The following CNTNAP2 variants were observed in gnomAD, a reference collection of about 807,000 sequenced individuals.
CNTNAP2 encodes the protein contactin associated protein 2.
CNTNAP2 carries 98 observed loss-of-function variants against 155.2 expected under a neutral mutation model. The ratio of observed to expected loss-of-function variants is 0.63; its 90% CI spans 0.54 to 0.75. The LOEUF (loss-of-function observed/expected upper bound fraction) is 0.75, where lower values mean the gene tolerates loss of function less well. Among genes scored for constraint, CNTNAP2 ranks in the 30% least tolerant of loss-of-function variants. The probability of loss-of-function intolerance (pLI) is 0.00; values close to 1 mark genes in which losing one functional copy is unlikely to be tolerated. For missense variants in CNTNAP2, 1,727 were observed against 1,688.1 expected, an observed-to-expected ratio of 1.02 and a Z score of -0.40; for synonymous variants, 651 against 631.2, an observed-to-expected ratio of 1.03 and a Z score of -0.47.
At chr7:147,151,583 G>A (rs890893025) in intron 8 of CNTNAP2, among the ~76,000 whole-genome samples, 4 of 151,910 alleles carry the variant, frequency 2.6e-5, no homozygotes, top group Non-Finnish European at 5.9e-5. Flanking sequence ...ATGGCCTTAA[G>A]TTTAGTGTTT....
chr7:146,926,330 C>T (rs1051122633), intron 3 of CNTNAP2, among the ~76,000 whole-genome samples: 1 of 152,068 alleles, frequency 6.6e-6, no homozygotes, highest in Non-Finnish European at 1.5e-5. Flanking sequence ...TCTCCTCTAA[C>T]AGTACTCTTC....
chr7:148,098,685 A>T (rs941831488), intron 15 of CNTNAP2, among the ~76,000 whole-genome samples: 3 of 152,202 alleles, frequency 2.0e-5, no homozygotes, highest in East Asian at 1.9e-4. Context: ...AAAATTTTTT[A>T]AATTTTCATT....
At chr7:147,139,376 G>A (rs1486290747) in intron 8 of CNTNAP2, among the ~76,000 whole-genome samples, 3 of 152,022 alleles carry the variant, frequency 2.0e-5, no homozygotes, top group Admixed American at 6.6e-5. Context: ...TTGCAATTGC[G>A]TGTCTAATTT....
intron 1 of CNTNAP2, among the ~76,000 whole-genome samples, chr7:146,728,610 G>GC (rs1801472729): frequency 8.6e-6 from 1 of 115,918 alleles, no homozygotes; most frequent in Admixed American, 8.0e-5. Context: ...TTTTTAGGCT[G>GC]CAAAAAAAAA....
At chr7:147,381,785 T>A (rs1181596816) in intron 9 of CNTNAP2, among the ~76,000 whole-genome samples, 1 of 152,098 alleles carries the variant, frequency 6.6e-6, no homozygotes, top group African/African-American at 2.4e-5. Flanking sequence ...AAAATATCAC[T>A]ATCTTTTAAT....
chr7:147,960,863 C>A (rs1394604145), intron 14 of CNTNAP2, among the ~76,000 whole-genome samples: 2 of 151,836 alleles, frequency 1.3e-5, no homozygotes, highest in Non-Finnish European at 2.9e-5. Flanking sequence ...TTTCTTTATG[C>A]CCTAGAAATA....
chr7:148,211,280 A>C (rs1483256528), intron 18 of CNTNAP2, among the ~76,000 whole-genome samples: 2 of 152,232 alleles, frequency 1.3e-5, no homozygotes, highest in African/African-American at 4.8e-5. Flanking sequence ...GAGCTTCAAG[A>C]ATCCAGGATA....
chr7:147,672,675 A>G (rs946809392), intron 13 of CNTNAP2: 4 of 152,194 alleles, frequency 2.6e-5, no homozygotes, highest in Admixed American at 1.3e-4. Flanking sequence ...GATGCTCTTC[A>G]GACTTCAAAA....
At chr7:146,533,310 A>G (rs1797798767) in intron 1 of CNTNAP2, among the ~76,000 whole-genome samples, 1 of 152,110 alleles carries the variant, frequency 6.6e-6, no homozygotes, top group African/African-American at 2.4e-5. Context: ...AAATCTACCT[A>G]TAGGCTAATG....
intron 1 of CNTNAP2, among the ~76,000 whole-genome samples, chr7:146,739,467 C>T (rs1801673832): frequency 6.6e-6 from 1 of 151,802 alleles, no homozygotes. Flanking sequence ...TCTGAAGTTT[C>T]CCCTGTTCAA....
intron 10 of CNTNAP2, among the ~76,000 whole-genome samples, chr7:147,417,406 A>C (rs930581134): frequency 6.6e-6 from 1 of 152,114 alleles, no homozygotes; most frequent in Non-Finnish European, 1.5e-5. Context: ...CAGGCAAAGG[A>C]GCTCTCTGGA....
intron 14 of CNTNAP2, among the ~76,000 whole-genome samples, chr7:147,932,634 A>G (rs1277367681): frequency 7.9e-5 from 12 of 152,224 alleles, no homozygotes; most frequent in Non-Finnish European, 1.5e-5. Context: ...GAAAATCTTC[A>G]TGACATTGGT....
chr7:147,221,569 G>T (rs889861270), intron 8 of CNTNAP2, among the ~76,000 whole-genome samples: 1 of 152,170 alleles, frequency 6.6e-6, no homozygotes, highest in East Asian at 1.9e-4. Flanking sequence ...GACCCGAGAA[G>T]GTGAAGCCCT....
intron 19 of CNTNAP2, among the ~76,000 whole-genome samples, chr7:148,225,448 G>A (rs1795827598): frequency 6.6e-6 from 1 of 152,176 alleles, no homozygotes; most frequent in Admixed American, 6.5e-5. Context: ...GTAGGAACAG[G>A]AAGCCAATGT....
chr7:147,359,115 A>G (rs1796108067), intron 9 of CNTNAP2, among the ~76,000 whole-genome samples: 2 of 152,150 alleles, frequency 1.3e-5, no homozygotes, highest in African/African-American at 4.8e-5. Context: ...TCTGCATCTC[A>G]TAGTGATGTC....
rs1039095863 is a variant in CNTNAP2, at chr7:148,243,798, A to T, written c.3381+14019A>T. Among the ~76,000 whole-genome samples, 3 of 152,166 alleles carry T rather than the reference A, an allele frequency of 2.0e-5. No homozygotes were observed. In the East Asian group the frequency reaches 5.8e-4, roughly 29 times the overall value. On this transcript the variant is annotated intron_variant, in intron 20 of 23. Coordinates refer to ENST00000361727, the MANE Select transcript of CNTNAP2 (RefSeq NM_014141.6). ...GTAATGTCAACTAAAGACAAAAAAA[A>T]AAGAAAAAAGAAAAAAAAAACTTTT...
chr7:147,775,314 T>A (rs1797557190), intron 13 of CNTNAP2, among the ~76,000 whole-genome samples: 1 of 44,316 alleles, frequency 2.3e-5, no homozygotes, highest in South Asian at 5.8e-4. Flanking sequence ...TTTATAAATA[T>A]ATATATATTT....
intron 22 of CNTNAP2, among the ~76,000 whole-genome samples, chr7:148,400,167 A>C (rs1799551725): frequency 6.6e-6 from 1 of 152,214 alleles, no homozygotes; most frequent in African/African-American, 2.4e-5. Flanking sequence ...CAACTTTTTC[A>C]AGGCCGAAGA....
At chr7:147,189,099 T>A (rs1284507234) in intron 8 of CNTNAP2, among the ~76,000 whole-genome samples, 1 of 152,212 alleles carries the variant, frequency 6.6e-6, no homozygotes, top group East Asian at 1.9e-4. Flanking sequence ...TCCTTTTATT[T>A]ATTAAATTCT....
Sources: gnomAD v4.1 joint callset for allele counts (sites outside exome capture counted in the v4.1 genomes callset) on GRCh38, gnomAD v4.1.1 for gene constraint, MANE v1.5 for transcripts, NCBI Gene and HGNC (gene_info 2026-07-23, HGNC 2026-07-21) for gene names.